SMOC1: variants seen among roughly 807,000 people sequenced by gnomAD.
SMOC1 encodes SPARC-related modular calcium-binding protein 1.
A neutral mutation model predicts 56.3 loss-of-function variants in SMOC1; 22 were observed. That is an observed-to-expected ratio of 0.39 (90% CI 0.28 to 0.56). SMOC1 has a LOEUF of 0.56. Among genes scored for constraint, SMOC1 ranks in the 20% least tolerant of loss-of-function variants. SMOC1 has a pLI of 0.61. For synonymous variants in SMOC1, 193 were observed against 215.0 expected, an observed-to-expected ratio of 0.90 and a Z score of 0.89; for missense variants, 509 against 565.4, an observed-to-expected ratio of 0.90 and a Z score of 1.01.
chr14:69,931,981 G>T (rs1207046340), intron 1 of SMOC1, among the ~76,000 whole-genome samples: 3 of 152,196 alleles, frequency 2.0e-5, no homozygotes, highest in Admixed American at 1.3e-4. Context: ...CGCAGGGAGC[G>T]GGGCACTGAC....
Position 70,031,421 on chromosome 14 carries a change from T to G in SMOC1, c.*1163T>G. 2 of 133,652 alleles carry G rather than the reference T, an allele frequency of 1.5e-5. No homozygotes were observed. Among genetic ancestry groups the G allele is most frequent in the Admixed American group, 7.5e-5 (1 of 13,362 alleles). The allele number at this position is 133,652 out of a possible 1,614,324, so 8.3% of individuals were successfully genotyped here. ...GCTATCACAGGCCTGGGTGGGTGGG[T>G]TGGGGGAGGTGTCAGTCACCTTGTT... On this transcript the variant is annotated 3_prime_UTR_variant, in exon 12 of 12. Coordinates refer to ENST00000361956, the MANE Select transcript of SMOC1 (RefSeq NM_001034852.3).
intron 1 of SMOC1, among the ~76,000 whole-genome samples, chr14:69,887,779 C>T (rs766772520): frequency 5.3e-5 from 8 of 152,202 alleles, no homozygotes; most frequent in Non-Finnish European, 8.8e-5. Flanking sequence ...CTTCCCTTTT[C>T]CTTGCTCAGG....
At position 70,030,857 on chromosome 14, in the gene SMOC1, A is replaced by T. The variant is rs559830945; in HGVS notation, c.*599A>T. On this transcript the variant is annotated 3_prime_UTR_variant, in exon 12 of 12. Transcript: ENST00000361956. ...TGGGAGGACTATATTGCCCCATGCC[A>T]TTAGTTGTCAAAATTGATAAGTCAC... is the stretch of plus-strand genomic sequence containing the variant. The T allele has an allele frequency of 6.6e-6, 1 of 152,292 alleles. No homozygotes were observed. The highest frequency in any genetic ancestry group is 2.1e-4 in the South Asian group (1 of 4,798). The allele number at this position is 152,292 out of a possible 1,614,324, so 9.4% of individuals were successfully genotyped here.
At chr14:69,918,539 T>G (rs1484426941) in intron 1 of SMOC1, among the ~76,000 whole-genome samples, 3 of 152,146 alleles carry the variant, frequency 2.0e-5, no homozygotes, top group African/African-American at 7.2e-5. Context: ...ATCCTGTCTA[T>G]TTTGACCATG....
intron 1 of SMOC1, among the ~76,000 whole-genome samples, chr14:69,940,160 G>C (rs1374881825): frequency 2.6e-5 from 4 of 152,116 alleles, no homozygotes; most frequent in African/African-American, 9.7e-5. Flanking sequence ...CAACCAGAGG[G>C]GTTCAGTCAC....
intron 1 of SMOC1, among the ~76,000 whole-genome samples, 158 bp downstream of exon 1, chr14:69,879,935 T>A (rs1304805718): frequency 6.6e-6 from 1 of 152,162 alleles, no homozygotes; most frequent in Non-Finnish European, 1.5e-5. Context: ...GTTGCTGAAA[T>A]ATTTTTTTTC....
intron 3 of SMOC1, among the ~76,000 whole-genome samples, chr14:69,967,355 A>G (rs1296444978): frequency 6.6e-6 from 1 of 152,256 alleles, no homozygotes; most frequent in Non-Finnish European, 1.5e-5. Context: ...CTTTCAGGCT[A>G]TGGCCTAGAT....
intron 1 of SMOC1, among the ~76,000 whole-genome samples, chr14:69,883,889 A>ATTTTTTTTTTTTTTT (rs34300667): frequency 1.5e-5 from 1 of 66,622 alleles, no homozygotes; most frequent in African/African-American, 7.0e-5. Flanking sequence ...GATGTTGAGC[A>ATTTTTTTTTTTTTTT]TTTTTTTTTT....
At chr14:69,912,165 T>C (rs1165664585) in intron 1 of SMOC1, among the ~76,000 whole-genome samples, 1 of 152,232 alleles carries the variant, frequency 6.6e-6, no homozygotes, top group African/African-American at 2.4e-5. Flanking sequence ...ATTGTCAGGA[T>C]TGAAAGAAGT....
intron 1 of SMOC1, among the ~76,000 whole-genome samples, chr14:69,904,744 T>A (rs79994987): frequency 0.084 from 12,722 of 152,318 alleles, 741 homozygotes; most frequent in Non-Finnish European, 0.12. Flanking sequence ...GTGCTCATCA[T>A]GGAGCCTGTC....
intron 5 of SMOC1, among the ~76,000 whole-genome samples, chr14:69,978,716 G>A (rs532841773): frequency 6.6e-6 from 1 of 152,240 alleles, no homozygotes; most frequent in Admixed American, 6.5e-5. Context: ...ATGGAATAAA[G>A]GACAAAGTTT....
chr14:69,914,865 T>TATTCATTCATTC (rs10699853), intron 1 of SMOC1, among the ~76,000 whole-genome samples: 20,962 of 149,324 alleles, frequency 0.14, 1,625 homozygotes, highest in Admixed American at 0.2. Flanking sequence ...TAATTTATTT[T>TATTCATTCATTC]ATTCATTCAT....
intron 1 of SMOC1, among the ~76,000 whole-genome samples, chr14:69,938,159 C>G (rs1238390741): frequency 6.6e-6 from 1 of 152,154 alleles, no homozygotes; most frequent in Non-Finnish European, 1.5e-5. Context: ...TGACATTTTC[C>G]TTCATGATAA....
intron 1 of SMOC1, among the ~76,000 whole-genome samples, chr14:69,898,381 C>A (rs985793145): frequency 6.6e-6 from 1 of 151,954 alleles, no homozygotes; most frequent in Non-Finnish European, 1.5e-5. Flanking sequence ...TCTTCTGTTT[C>A]TTCCTTTCTT....
intron 1 of SMOC1, among the ~76,000 whole-genome samples, chr14:69,934,497 T>C: frequency 6.6e-6 from 1 of 152,162 alleles, no homozygotes; most frequent in East Asian, 1.9e-4. Context: ...TCTAGCCAGA[T>C]GGGGCAGGAA....
intron 1 of SMOC1, among the ~76,000 whole-genome samples, chr14:69,949,338 C>T (rs141148720): frequency 6.6e-6 from 1 of 152,222 alleles, no homozygotes; most frequent in East Asian, 1.9e-4. Context: ...GAGGGAATGG[C>T]AGGCATGAGA....
Position 69,952,261 on chromosome 14 carries a change from C to G in SMOC1, c.223C>G (p.Arg75Gly), listed in dbSNP as rs370866589. 5.6e-6 allele frequency: 9 copies of G among 1,614,066 alleles called. No individual in the cohort carries two copies. The highest frequency in any genetic ancestry group is 7.6e-6 in the Non-Finnish European group (9 of 1,180,024). ...SMCEYQRAKC[R>G]DPTLGVVHRG... ...GTGTGAGTACCAGCGAGCCAAGTGC[C>G]GAGACCCGACCCTGGGCGTGGTGCA... Residue 75 changes from arginine to glycine, a missense_variant, in exon 2 of 12, where the codon CGA becomes GGA. By Grantham distance (125) the Arg-to-Gly change is moderately radical. Around this residue, in one of 3 missense-constraint regions of SMOC1, gnomAD observed 315 missense variants for 333.1 expected, o/e 0.95. Transcript: ENST00000361956.
chr14:69,919,706 C>T (rs1391587519), intron 1 of SMOC1, among the ~76,000 whole-genome samples: 1 of 152,146 alleles, frequency 6.6e-6, no homozygotes, highest in Non-Finnish European at 1.5e-5. Context: ...GTTGGGTGGG[C>T]CTAAGATCTA....
intron 7 of SMOC1, among the ~76,000 whole-genome samples, chr14:70,002,775 G>A (rs1407032957): frequency 6.6e-6 from 1 of 152,196 alleles, no homozygotes; most frequent in Non-Finnish European, 1.5e-5. Context: ...TGTTCACATA[G>A]TTGGCTTGAA....
Sources: allele counts gnomAD v4.1 joint callset (sites outside exome capture counted in the v4.1 genomes callset), GRCh38; gene constraint gnomAD v4.1.1; regional missense constraint gnomAD v4.1.1; transcripts MANE v1.5; gene names NCBI Gene and HGNC (gene_info 2026-07-23, HGNC 2026-07-21).